Variants in CACNA1B observed in about 807,000 individuals in gnomAD.
The protein encoded by CACNA1B is voltage-dependent N-type calcium channel subunit alpha-1B.
In CACNA1B, 70 loss-of-function variants were observed where a neutral mutation model predicts 247.2. The observed-to-expected ratio is 0.28, with a 90% CI of 0.23 to 0.35. The LOEUF is 0.35. CACNA1B is among the 10% of genes least tolerant of loss of function. The probability of loss-of-function intolerance (pLI) is 1.00; values close to 1 mark genes in which losing one functional copy is unlikely to be tolerated. For synonymous variants in CACNA1B, 1,231 were observed against 1,294.4 expected (o/e 0.95, Z 1.05); for missense variants, 2,367 against 3,197.4 (o/e 0.74, Z 6.26).
chr9:137,921,781 C>T (rs1283448556), intron 6 of CACNA1B, among the ~76,000 whole-genome samples: 1 of 147,768 alleles, frequency 6.8e-6, no homozygotes, highest in Non-Finnish European at 1.5e-5. Context: ...ACACAGCGTC[C>T]TGGGAGCAGA....
chr9:138,120,811 A>C lies in CACNA1B; in HGVS notation c.6419A>C (p.Lys2140Thr), dbSNP rs1299844034. 1 of 1,562,744 alleles carries C rather than the reference A, an allele frequency of 6.4e-7. No homozygotes were observed. The highest frequency in any genetic ancestry group is 1.4e-5 in the African/African-American group (1 of 73,348). Residue 2140 changes from lysine to threonine, a missense_variant, in exon 46 of 47, where the codon AAG (lysine) becomes ACG (threonine). By Grantham distance (78) the Lys-to-Thr change is moderately conservative. Around this residue, in one of 12 missense-constraint regions of CACNA1B, gnomAD observed 773 missense variants for 779.4 expected, o/e 0.99. Coordinates refer to ENST00000371372, the MANE Select transcript of CACNA1B (RefSeq NM_000718.4). Reference sequence around the variant, plus strand: ...CGCTTTGGGGGCCGTGAGCCCCCGAAGCCCAAGCCCTCCCTCAGCAGCCAC... The same window carrying C: ...CGCTTTGGGGGCCGTGAGCCCCCGACGCCCAAGCCCTCCCTCAGCAGCCAC... ...CDRFGGREPP[K>T]PKPSLSSHPT...
rs73668502 is a variant in CACNA1B, at chr9:137,923,516, C to T, written c.966+6085C>T. Among the ~76,000 whole-genome samples, 468 of 151,900 alleles carry T rather than the reference C, an allele frequency of 3.1e-3. 3 individuals carry two copies. The highest frequency in any genetic ancestry group is 7.7e-3 in the African/African-American group (318 of 41,396). ...TATTCCCTGGTGCCAGGTGGTATTC[C>T]GTGGTGCCAGGTAGTATTCCGTGCT... is the stretch of plus-strand genomic sequence containing the variant. On this transcript the variant is annotated intron_variant, in intron 6 of 46. Coordinates refer to ENST00000371372, the MANE Select transcript of CACNA1B (RefSeq NM_000718.4).
rs201782791 is a variant in CACNA1B at position 138,120,782 on chromosome 9, C to T, written c.6390C>T (p.Cys2130=). Residue 2130 remains cysteine (C), a synonymous_variant, in exon 46 of 47, where the codon TGC becomes TGT. Transcript: ENST00000371372. ...SSSEKQRFYS[C]DRFGGREPPK... is the part of the protein sequence containing the mutation. ...CGGAGAAGCAGCGCTTCTACTCCTGCGACCGCTTTGGGGGCCGTGAGCCCC... is the reference window on the plus strand; with the variant it reads ...CGGAGAAGCAGCGCTTCTACTCCTGTGACCGCTTTGGGGGCCGTGAGCCCC... 39 of 1,553,538 alleles carry T rather than the reference C, an allele frequency of 2.5e-5. No individual in the cohort carries two copies. Among genetic ancestry groups the T allele is most frequent in the South Asian group, 5.9e-5 (5 of 84,220 alleles).
intron 20 of CACNA1B, among the ~76,000 whole-genome samples, chr9:138,035,421 G>C (rs575079605): frequency 2.0e-5 from 3 of 152,162 alleles, no homozygotes; most frequent in African/African-American, 7.2e-5. Flanking sequence ...AGCTGTGATC[G>C]TGCCACTGCA....
At chr9:137,965,163 C>T (rs1373435058) in intron 10 of CACNA1B, among the ~76,000 whole-genome samples, 2 of 152,206 alleles carry the variant, frequency 1.3e-5, no homozygotes, top group Non-Finnish European at 2.9e-5. Context: ...CTTACCCAGT[C>T]AGGAGGAATG....
At chr9:138,075,986 G>C (rs1960304493) in intron 35 of CACNA1B, 76 bp downstream of exon 35, 1 of 987,944 alleles carries the variant, frequency 1.0e-6, no homozygotes, top group Non-Finnish European at 1.6e-6. Flanking sequence ...AAGAAGGCTG[G>C]GTGTCAACCG....
In CACNA1B at chr9:137,952,656, G is replaced by T. The variant is rs1365753000; in HGVS notation, c.1070+279G>T. On this transcript the variant is annotated intron_variant, in intron 7 of 46. Coordinates refer to ENST00000371372, the MANE Select transcript of CACNA1B (RefSeq NM_000718.4). This position sits in a 1 kb window ranked among gnomAD's most constrained non-coding sequence, Gnocchi z 4.8. ...CACTACTCATCTGGGTAGACAGGAGGTGTGGTCTGTAATGGGAGGTTGGTC... is the reference window on the plus strand; with the variant it reads ...CACTACTCATCTGGGTAGACAGGAGTTGTGGTCTGTAATGGGAGGTTGGTC... Among the ~76,000 whole-genome samples the T allele has an allele frequency of 2.4e-5, 3 of 124,848 alleles. No individual in the cohort carries two copies. Among genetic ancestry groups the T allele is most frequent in the Admixed American group, 7.3e-5 (1 of 13,758 alleles). 81.9% of individuals were successfully genotyped at this position (124,848 alleles called of 152,430 possible).
intron 3 of CACNA1B, chr9:137,892,326 G>A (rs1420127495): frequency 2.2e-6 from 1 of 456,696 alleles, no homozygotes; most frequent in Non-Finnish European, 4.4e-6. Flanking sequence ...GCAGATGACT[G>A]CCTTCTTGTG....
chr9:138,069,827 G>T, intron 32 of CACNA1B, 64 bp downstream of exon 32: 1 of 1,496,540 alleles, frequency 6.7e-7, no homozygotes, highest in Non-Finnish European at 9.3e-7. Context: ...CTCCTCTCCT[G>T]CTCTCTGGTT....
In CACNA1B at chr9:138,023,294, C is replaced by G. The variant is rs979282277; in HGVS notation, c.2551C>G (p.His851Asp). The G allele has an allele frequency of 6.6e-7, 1 of 1,515,248 alleles. No individual in the cohort carries two copies. Among genetic ancestry groups the G allele is most frequent in the African/African-American group, 1.4e-5 (1 of 69,592 alleles). 93.9% of individuals were successfully genotyped at this position (1,515,248 alleles called of 1,614,324 possible). A position where few individuals can be genotyped will look rare whatever the true frequency, so the allele number is the denominator to read the frequency against. Residue 851 changes from histidine (H) to aspartate (D), a missense_variant, in exon 19 of 47, where the codon CAC (histidine) becomes GAC (aspartate). His to Asp is a moderately conservative substitution (Grantham distance 81). This residue lies in a region of CACNA1B where 631 missense variants were observed against 631.1 expected (regional missense o/e 1.00). Transcript: ENST00000371372. ...CGAGGGCGTCGACCCTCCGCGCAGG[C>G]ACCACCGGCACCGCGACAAGGACAA... ...APEGVDPPRR[H>D]HRHRDKDKTP...
intron 24 of CACNA1B, among the ~76,000 whole-genome samples, chr9:138,049,617 G>A (rs552149639): frequency 1.3e-5 from 2 of 152,098 alleles, no homozygotes; most frequent in Non-Finnish European, 2.9e-5. Flanking sequence ...TGGTGCGGCC[G>A]GTGGCTCTGG....
rs763950137 is a variant in CACNA1B at position 137,882,057 on chromosome 9, G to A, written c.391-687G>A. Among the ~76,000 whole-genome samples, 8 of 152,304 alleles carry A rather than the reference G, an allele frequency of 5.3e-5. No homozygotes were observed. The highest frequency in any genetic ancestry group is 2.1e-4 in the South Asian group (1 of 4,822). On this transcript the variant is annotated intron_variant, in intron 2 of 46. Transcript: ENST00000371372. The surrounding 1 kb of genome is among the most constrained non-coding windows in gnomAD (Gnocchi z 4.0). The stretch of plus-strand genomic sequence containing the variant: ...CAGGGTCCTCACAGATGTGGCGGTC[G>A]TCGCTCAGCACACTCAGGGCTGAGG...
chr9:138,035,316 G>T (rs946180457), intron 20 of CACNA1B, among the ~76,000 whole-genome samples: 3 of 152,156 alleles, frequency 2.0e-5, no homozygotes, highest in Non-Finnish European at 4.4e-5. Context: ...AAAATTAGCT[G>T]GGTGTGGTGA....
rs907219010 is a variant in CACNA1B, at chr9:138,028,627, A to G, written c.3286+3455A>G. The stretch of plus-strand genomic sequence containing the variant: ...GAGGAAACAGGCTTTATTCTAGTGA[A>G]TAGTTTGCAAACCAGGAAGATGCAG... On this transcript the variant is annotated intron_variant, in intron 20 of 46. Coordinates refer to ENST00000371372, the MANE Select transcript of CACNA1B (RefSeq NM_000718.4). 3.9e-5 allele frequency among the ~76,000 whole-genome samples: 6 copies of G among 152,342 alleles called. No individual in the cohort carries two copies. The East Asian group carries it at 1.2e-3, about 29-fold the overall frequency.
At chr9:137,977,712 C>T (rs905785799) in intron 12 of CACNA1B, among the ~76,000 whole-genome samples, 5 of 152,242 alleles carry the variant, frequency 3.3e-5, no homozygotes, top group East Asian at 1.9e-4. Context: ...GTGGGCACGC[C>T]GCCCCCTGAG....
At chr9:137,900,574 C>T (rs1263722438) in intron 3 of CACNA1B, among the ~76,000 whole-genome samples, 1 of 146,788 alleles carries the variant, frequency 6.8e-6, no homozygotes, top group Non-Finnish European at 1.5e-5. Context: ...CTATGTGTGT[C>T]TCTGTGTCCG....
chr9:138,089,731 T>C (rs769224554), intron 36 of CACNA1B, among the ~76,000 whole-genome samples: 3 of 152,188 alleles, frequency 2.0e-5, no homozygotes, highest in South Asian at 2.1e-4. Context: ...ACATGTCTTA[T>C]ATATAGAAAA....
chr9:137,896,834 T>C (rs1957178865), intron 3 of CACNA1B, among the ~76,000 whole-genome samples: 1 of 152,214 alleles, frequency 6.6e-6, no homozygotes, highest in African/African-American at 2.4e-5. Context: ...CTGTGTCATG[T>C]TGGGTCCGTC....
intron 39 of CACNA1B, among the ~76,000 whole-genome samples, chr9:138,107,902 G>A (rs9314644): frequency 0.027 from 4,111 of 151,734 alleles, 153 homozygotes; most frequent in African/African-American, 0.089. Context: ...GGAGAATGGC[G>A]TGAACCCAGG....
Sources: gnomAD v4.1 joint callset for allele counts (sites outside exome capture counted in the v4.1 genomes callset) on GRCh38, gnomAD v4.1.1 for gene constraint, gnomAD v4.1.1 regional missense constraint, Gnocchi (gnomAD v3.1) non-coding constraint, MANE v1.5 for transcripts, NCBI Gene and HGNC (gene_info 2026-07-23, HGNC 2026-07-21) for gene names.